OR1F1: variants seen among roughly 807,000 people sequenced by gnomAD.
OR1F1 encodes olfactory receptor family 1 subfamily F member 1, also known as olfactory receptor 1F1.
For missense variants in OR1F1, 493 were observed against 376.3 expected (o/e 1.31, Z -2.57); for synonymous variants, 184 against 156.7 (o/e 1.17, Z -1.30).
chr16:3,205,027 A>C, exon 1 of OR1F1: 1 of 1,613,986 alleles, frequency 6.2e-7, no homozygotes, highest in Non-Finnish European at 8.5e-7. Context: ...TGTGTATTTT[A>C]ACCCTCTGTC....
chr16:3,193,218 G>C, the OR1F1 span, among the ~76,000 whole-genome samples: 1 of 152,148 alleles, frequency 6.6e-6, no homozygotes, highest in Non-Finnish European at 1.5e-5. Context: ...GAGCCTCCAC[G>C]CCCGGCCCCT....
chr16:3,192,019 T>A, the OR1F1 span, among the ~76,000 whole-genome samples: 4 of 152,016 alleles, frequency 2.6e-5, no homozygotes, highest in Non-Finnish European at 4.4e-5. Context: ...TGATTCTCGC[T>A]TAGGATGCGA....
chr16:3,190,683 G>C, the OR1F1 span, among the ~76,000 whole-genome samples: 1 of 151,578 alleles, frequency 6.6e-6, no homozygotes, highest in African/African-American at 2.4e-5. Flanking sequence ...CCCCGGAGAT[G>C]GGGGTTGCAG....
At chr16:3,206,063 G>C (rs1958205263), downstream of OR1F1, among the ~76,000 whole-genome samples, 1 of 152,168 alleles carries the variant, frequency 6.6e-6, no homozygotes, top group African/African-American at 2.4e-5. Flanking sequence ...TTCCTAGCAA[G>C]GAATGTTAAT....
the OR1F1 span, among the ~76,000 whole-genome samples, chr16:3,197,161 C>T: frequency 2.6e-5 from 4 of 151,272 alleles, no homozygotes; most frequent in South Asian, 6.2e-4. Flanking sequence ...CAGGCATGAG[C>T]CATCACACCT....
the OR1F1 span, among the ~76,000 whole-genome samples, chr16:3,194,559 C>G: frequency 6.6e-6 from 1 of 151,292 alleles, no homozygotes; most frequent in Admixed American, 6.6e-5. Context: ...TGACACTTTA[C>G]AAAACAAGCA....
chr16:3,192,003 G>A, the OR1F1 span, among the ~76,000 whole-genome samples: 2 of 152,166 alleles, frequency 1.3e-5, no homozygotes, highest in African/African-American at 4.8e-5. Flanking sequence ...CGTTGGTCTA[G>A]GGGTATGATT....
At chr16:3,188,747 C>G in the OR1F1 span, among the ~76,000 whole-genome samples, 19 of 152,128 alleles carry the variant, frequency 1.2e-4, no homozygotes, top group Non-Finnish European at 2.6e-4. Context: ...CTGCTGGATT[C>G]TCGGGAGTCA....
chr16:3,206,222 C>A (rs1958207593), downstream of OR1F1, among the ~76,000 whole-genome samples: 2 of 152,122 alleles, frequency 1.3e-5, no homozygotes, highest in South Asian at 2.1e-4. Flanking sequence ...GGGGAAAAAA[C>A]CCCACCCTGG....
At chr16:3,194,379 G>A in the OR1F1 span, among the ~76,000 whole-genome samples, 6 of 152,190 alleles carry the variant, frequency 3.9e-5, no homozygotes, top group East Asian at 5.8e-4. Context: ...AGAGTACCAT[G>A]TATGTACAAG....
exon 1 of OR1F1, chr16:3,204,916 A>G (rs779333023): frequency 2.5e-6 from 4 of 1,614,018 alleles, no homozygotes; most frequent in African/African-American, 1.3e-5. Flanking sequence ...CATCACCTGC[A>G]CTGTCCTGAA....
At chr16:3,191,736 A>C in the OR1F1 span, among the ~76,000 whole-genome samples, 1 of 151,124 alleles carries the variant, frequency 6.6e-6, no homozygotes, top group Non-Finnish European at 1.5e-5. Context: ...GACCAAAGGC[A>C]GCACCGGGAC....
the OR1F1 span, among the ~76,000 whole-genome samples, chr16:3,190,093 C>A: frequency 1.3e-5 from 2 of 152,302 alleles, no homozygotes; most frequent in Admixed American, 6.5e-5. Flanking sequence ...CACCCACTAT[C>A]CCCGGTTCTA....
the OR1F1 span, among the ~76,000 whole-genome samples, chr16:3,195,333 A>G: frequency 1.3e-5 from 2 of 152,080 alleles, no homozygotes; most frequent in Non-Finnish European, 2.9e-5. Context: ...CAACAAACAA[A>G]CCAAAACAGC....
At chr16:3,192,653 C>G in the OR1F1 span, among the ~76,000 whole-genome samples, 2 of 152,138 alleles carry the variant, frequency 1.3e-5, no homozygotes, top group Non-Finnish European at 2.9e-5. Flanking sequence ...TTTGAGCAGC[C>G]TCAAGGGGAG....
upstream of OR1F1, among the ~76,000 whole-genome samples, chr16:3,201,476 C>T (rs571230941): frequency 6.6e-6 from 1 of 152,310 alleles, no homozygotes; most frequent in Admixed American, 6.5e-5. Flanking sequence ...CTTGCCAACA[C>T]TTGTCATTTT....
chr16:3,199,817 A>G (rs1958115873), upstream of OR1F1, among the ~76,000 whole-genome samples: 1 of 151,974 alleles, frequency 6.6e-6, no homozygotes, highest in Non-Finnish European at 1.5e-5. Context: ...GGAGTTTGAG[A>G]CCAGCCTGAC....
At chr16:3,198,691 C>T in the OR1F1 span, among the ~76,000 whole-genome samples, 1 of 152,000 alleles carries the variant, frequency 6.6e-6, no homozygotes, top group Non-Finnish European at 1.5e-5. Context: ...TTTTGTTTAC[C>T]CTTAAGAAAT....
chr16:3,198,110 G>A, the OR1F1 span, among the ~76,000 whole-genome samples: 1 of 148,514 alleles, frequency 6.7e-6, no homozygotes, highest in South Asian at 2.2e-4. Context: ...AGAAGGAGAG[G>A]GAGAAGGAGA....
Sources: allele counts gnomAD v4.1 joint callset (sites outside exome capture counted in the v4.1 genomes callset), GRCh38; gene constraint gnomAD v4.1.1; transcripts MANE v1.5; gene names NCBI Gene and HGNC (gene_info 2026-07-23, HGNC 2026-07-21).